Variants in GALNTL6 observed in about 807,000 individuals in gnomAD.
GALNTL6 encodes polypeptide N-acetylgalactosaminyltransferase like 6, also known as polypeptide N-acetylgalactosaminyltransferase-like 6.
In GALNTL6, 46 loss-of-function variants were observed where a neutral mutation model predicts 73.7. The observed-to-expected ratio is 0.62, with a 90% CI of 0.49 to 0.80. The LOEUF (loss-of-function observed/expected upper bound fraction) is 0.80. Ranked by LOEUF, GALNTL6 falls within the 30% of genes least tolerant of loss-of-function variation. The probability of loss-of-function intolerance (pLI) is 0.00; values close to 1 mark genes in which losing one functional copy is unlikely to be tolerated. For synonymous variants in GALNTL6, 259 were observed against 263.7 expected (o/e 0.98, Z 0.17); for missense variants, 604 against 755.0 (o/e 0.80, Z 2.34).
At chr4:171,888,439 T>C (rs1323156910) in intron 2 of GALNTL6, among the ~76,000 whole-genome samples, 1 of 151,256 alleles carries the variant, frequency 6.6e-6, no homozygotes, top group Non-Finnish European at 1.5e-5. Flanking sequence ...GTTGTAGCAG[T>C]TTTGATAACT....
intron 5 of GALNTL6, among the ~76,000 whole-genome samples, chr4:172,420,922 A>G (rs1731031481): frequency 6.6e-6 from 1 of 152,066 alleles, no homozygotes; most frequent in Admixed American, 6.6e-5. Flanking sequence ...ACAGAAAACC[A>G]AACACTGCAT....
chr4:172,194,988 A>C lies in GALNTL6; in HGVS notation c.139-34668A>C, dbSNP rs560716340. Reference sequence around the variant, plus strand: ...AAATGCACTAAATACCCCAATTAAAAAGACACAGAATGGCAAGCTGGATAA... The same window carrying C: ...AAATGCACTAAATACCCCAATTAAACAGACACAGAATGGCAAGCTGGATAA... On this transcript the variant is annotated intron_variant, in intron 2 of 12. Coordinates refer to ENST00000506823, the MANE Select transcript of GALNTL6 (RefSeq NM_001034845.3). 7.2e-5 allele frequency among the ~76,000 whole-genome samples: 11 copies of C among 152,318 alleles called. No homozygotes were observed. In the East Asian group the frequency reaches 2.1e-3, roughly 29 times the overall value.
intron 2 of GALNTL6, among the ~76,000 whole-genome samples, chr4:172,107,885 A>G (rs1350855563): frequency 6.6e-6 from 1 of 152,186 alleles, no homozygotes; most frequent in African/African-American, 2.4e-5. Flanking sequence ...AATCATTTCT[A>G]AGTAAATTAC....
intron 2 of GALNTL6, among the ~76,000 whole-genome samples, chr4:171,924,466 G>A (rs1260119404): frequency 1.3e-5 from 2 of 152,128 alleles, no homozygotes; most frequent in Admixed American, 1.3e-4. Flanking sequence ...TGAGACCTGG[G>A]TGGAATGATG....
chr4:172,310,165 G>T (rs1740300672), intron 3 of GALNTL6, among the ~76,000 whole-genome samples: 1 of 152,128 alleles, frequency 6.6e-6, no homozygotes. Context: ...GCAAGCATTG[G>T]CATAGCAGTG....
At chr4:172,660,978 A>G (rs866064444) in intron 5 of GALNTL6, among the ~76,000 whole-genome samples, 49 of 152,310 alleles carry the variant, frequency 3.2e-4, no homozygotes, top group African/African-American at 1.1e-3. Context: ...TTTCATTACC[A>G]GGGAGATTTG....
chr4:172,635,539 T>G (rs1029041489), intron 5 of GALNTL6, among the ~76,000 whole-genome samples: 3 of 152,158 alleles, frequency 2.0e-5, no homozygotes, highest in African/African-American at 7.2e-5. Context: ...ATTTTGCATA[T>G]TTGAAAAGAG....
At chr4:172,345,315 C>T (rs1312525235) in intron 4 of GALNTL6, among the ~76,000 whole-genome samples, 1 of 152,040 alleles carries the variant, frequency 6.6e-6, no homozygotes, top group Non-Finnish European at 1.5e-5. Flanking sequence ...AAATAAGTTA[C>T]AGATATCAAT....
chr4:172,379,713 A>C (rs1008515131), intron 5 of GALNTL6, among the ~76,000 whole-genome samples: 2 of 152,086 alleles, frequency 1.3e-5, no homozygotes, highest in Non-Finnish European at 2.9e-5. Context: ...CCTGGAGCTA[A>C]CCTGACAACT....
chr4:171,846,216 C>T (rs1012288076), intron 2 of GALNTL6, among the ~76,000 whole-genome samples: 6 of 152,138 alleles, frequency 3.9e-5, no homozygotes, highest in African/African-American at 1.4e-4. Flanking sequence ...TTAGCAAATT[C>T]ACCTACTCAC....
At chr4:172,490,465 T>C (rs1375261869) in intron 5 of GALNTL6, among the ~76,000 whole-genome samples, 1 of 152,168 alleles carries the variant, frequency 6.6e-6, no homozygotes, top group Admixed American at 6.5e-5. Flanking sequence ...GAGCACCTTA[T>C]AGATTGTTTA....
chr4:171,942,290 CAG>C (rs1373826590), intron 2 of GALNTL6, among the ~76,000 whole-genome samples: 9 of 98,062 alleles, frequency 9.2e-5, no homozygotes, highest in Admixed American at 3.7e-4. Flanking sequence ...ACTGTAAAGA[CAG>C]AGAAAAATGA....
intron 5 of GALNTL6, among the ~76,000 whole-genome samples, chr4:172,435,118 T>C (rs1429997701): frequency 1.3e-5 from 2 of 152,162 alleles, no homozygotes; most frequent in Non-Finnish European, 2.9e-5. Context: ...TAAAATTTCA[T>C]CAATTATTAT....
In GALNTL6 at chr4:171,942,610, G is replaced by A. The variant is rs1215338945; in HGVS notation, c.138+127892G>A. On this transcript the variant is annotated intron_variant, in intron 2 of 12. Transcript: ENST00000506823. The stretch of plus-strand genomic sequence containing the variant: ...ATGGTTATAAGTTAATAAGTGGAAT[G>A]AAGGATAGGATTGTTTGTTTTCTTT... Among the ~76,000 whole-genome samples, 6 of 152,182 alleles carry A rather than the reference G, an allele frequency of 3.9e-5. 1 individual carries two copies. The highest frequency in any genetic ancestry group is 1.2e-4 in the African/African-American group (5 of 41,442).
chr4:172,038,117 CA>C (rs5864107), intron 2 of GALNTL6, among the ~76,000 whole-genome samples: 2 of 146,056 alleles, frequency 1.4e-5, no homozygotes, highest in African/African-American at 2.5e-5. Context: ...GACTCTGTCT[CA>C]AAAAAAAAAA....
intron 5 of GALNTL6, among the ~76,000 whole-genome samples, chr4:172,709,482 G>A (rs1256955388): frequency 6.6e-6 from 1 of 152,168 alleles, no homozygotes; most frequent in Non-Finnish European, 1.5e-5. Context: ...ACAACAAAGG[G>A]TCCTGTAGGA....
rs115926203 is a variant in GALNTL6, at chr4:172,410,905, T to C, written c.553+62216T>C. Among the ~76,000 whole-genome samples the C allele has an allele frequency of 8.8e-3, 1,337 of 152,218 alleles. 8 individuals carry two copies. Among genetic ancestry groups the C allele is most frequent in the Middle Eastern group, 0.024 (7 of 294 alleles). On this transcript the variant is annotated intron_variant, in intron 5 of 12. Coordinates refer to ENST00000506823, the MANE Select transcript of GALNTL6 (RefSeq NM_001034845.3). ...AGAAAATAAAATATCTTTATTGTTA[T>C]ATAACAGCACAGCAGGCTTCACATT...
At chr4:172,888,609 G>A (rs1022980173) in intron 8 of GALNTL6, among the ~76,000 whole-genome samples, 2 of 152,036 alleles carry the variant, frequency 1.3e-5, no homozygotes, top group South Asian at 2.1e-4. Flanking sequence ...CTGTTCCCAC[G>A]CTCTATGTGT....
chr4:172,989,396 C>T (rs747667907), intron 10 of GALNTL6, among the ~76,000 whole-genome samples: 15 of 152,056 alleles, frequency 9.9e-5, no homozygotes, highest in Non-Finnish European at 1.9e-4. Context: ...ATTAACATTT[C>T]AGGGGACTGT....
Sources: allele counts gnomAD v4.1 joint callset (sites outside exome capture counted in the v4.1 genomes callset), GRCh38; gene constraint gnomAD v4.1.1; transcripts MANE v1.5; gene names NCBI Gene and HGNC (gene_info 2026-07-23, HGNC 2026-07-21).